PRKAR1A: variants seen among roughly 807,000 people sequenced by gnomAD.
PRKAR1A encodes cAMP-dependent protein kinase type I-alpha regulatory subunit.
Under a neutral mutation model 52.0 loss-of-function variants are expected in PRKAR1A, and 3 were observed. The observed-to-expected ratio is 0.06, with a 90% confidence interval of 0.03 to 0.15. The LOEUF is 0.15. Among genes scored for constraint, PRKAR1A ranks in the 10% least tolerant of loss-of-function variants. The pLI is 1.00. For synonymous variants in PRKAR1A, 188 were observed against 168.4 expected (o/e 1.12, Z -0.90); for missense variants, 240 against 477.4 (o/e 0.50, Z 4.63).
Position 68,540,827 on chromosome 17 carries a change from G to T in PRKAR1A, c.974-10257G>T. The stretch of plus-strand genomic sequence containing the variant: ...ACATAGCAGAGCCCACTTCTGCTGG[G>T]GGCCTGCGTGTGGGGACCTACCTAT... On this transcript the variant is annotated intron_variant, in intron 11 of 11. Transcript: ENST00000585981. The T allele has an allele frequency of 1.9e-6, 3 of 1,578,080 alleles. No homozygotes were observed. In the South Asian group the frequency reaches 3.4e-5, roughly 18 times the overall value.
At chr17:68,488,832 G>A in the PRKAR1A span, among the ~76,000 whole-genome samples, 3 of 151,616 alleles carry the variant, frequency 2.0e-5, no homozygotes, top group Non-Finnish European at 4.4e-5. Flanking sequence ...TTAGACCTGA[G>A]CTCTGGAGTG....
chr17:68,524,229 A>G (rs1042639348), intron 5 of PRKAR1A, 152 bp downstream of exon 5: 3 of 719,112 alleles, frequency 4.2e-6, no homozygotes, highest in Middle Eastern at 3.3e-4. Context: ...TTTCTTTTAA[A>G]TTAAGATTTT....
chr17:68,489,345 A>ATATATATATGGAAAG, the PRKAR1A span, among the ~76,000 whole-genome samples: 1 of 104,022 alleles, frequency 9.6e-6, no homozygotes, highest in African/African-American at 4.3e-5. Context: ...GAAAGTATAT[A>ATATATATATGGAAAG]TATATATATA....
chr17:68,436,993 CAAAA>C, the PRKAR1A span, among the ~76,000 whole-genome samples: 1 of 124,672 alleles, frequency 8.0e-6, no homozygotes, highest in Non-Finnish European at 1.8e-5. Context: ...GACCCCGTCT[CAAAA>C]AAAAAAAAAT....
the PRKAR1A span, chr17:68,434,435 C>T: frequency 1.1e-4 from 102 of 958,124 alleles, no homozygotes; most frequent in Admixed American, 3.7e-4. Context: ...AGAGTAGTTA[C>T]ACTTCCTCCA....
At chr17:68,421,510 A>G in the PRKAR1A span, 5 of 491,314 alleles carry the variant, frequency 1.0e-5, no homozygotes, top group African/African-American at 3.8e-5. Context: ...ATATACCAAT[A>G]TGGTTAATTA....
At chr17:68,519,423 A>G (rs1229013632) in intron 2 of PRKAR1A, among the ~76,000 whole-genome samples, 1 of 152,176 alleles carries the variant, frequency 6.6e-6, no homozygotes, top group Non-Finnish European at 1.5e-5. Context: ...AAAGCCCCTC[A>G]AAACTGTCAG....
the PRKAR1A span, among the ~76,000 whole-genome samples, chr17:68,446,462 A>G: frequency 0.44 from 66,506 of 151,980 alleles, 14,937 homozygotes; most frequent in Middle Eastern, 0.52. Flanking sequence ...GATTACAAGC[A>G]TGAGCTACTG....
the PRKAR1A span, among the ~76,000 whole-genome samples, chr17:68,441,614 G>T: frequency 6.6e-6 from 1 of 152,284 alleles, no homozygotes; most frequent in South Asian, 2.1e-4. Context: ...TCACTGAAGC[G>T]CAGCTCTGAC....
Position 68,531,560 on chromosome 17 carries a change from CT to C in PRKAR1A, c.*1118del. 1 of 1,066,204 alleles carries C rather than the reference CT, an allele frequency of 9.4e-7. No individual in the cohort carries two copies. Among genetic ancestry groups the C allele is most frequent in the Non-Finnish European group, 1.1e-6 (1 of 879,596 alleles). 66.0% of individuals were successfully genotyped at this position (1,066,204 alleles called of 1,614,324 possible). A position where few individuals can be genotyped will look rare whatever the true frequency, so the allele number is the denominator to read the frequency against. The stretch of plus-strand genomic sequence containing the variant: ...AAGAAGTTTTTTACTTTGGTTTAGT[CT>C]TTTTTTCCTTCCTTTTTATTCAGCT... On this transcript the variant is annotated 3_prime_UTR_variant, in exon 11 of 11. Coordinates refer to ENST00000589228, the MANE Select transcript of PRKAR1A (RefSeq NM_002734.5).
At chr17:68,536,079 G>C (rs1340256058), downstream of PRKAR1A, 1 of 454,118 alleles carries the variant, frequency 2.2e-6, no homozygotes, top group Non-Finnish European at 4.4e-6. Context: ...TGATTTTAGA[G>C]AGACACAAAG....
At chr17:68,428,362 G>A in the PRKAR1A span, 4 of 161,850 alleles carry the variant, frequency 2.5e-5, no homozygotes, top group Admixed American at 1.8e-4. Flanking sequence ...CTGAGTAGCT[G>A]GGACTACAGG....
the PRKAR1A span, among the ~76,000 whole-genome samples, chr17:68,484,983 G>A: frequency 2.6e-5 from 4 of 152,224 alleles, no homozygotes; most frequent in African/African-American, 9.6e-5. Flanking sequence ...TAACAAATTA[G>A]CAATTTAGTT....
chr17:68,505,193 G>A, the PRKAR1A span, among the ~76,000 whole-genome samples: 2 of 152,192 alleles, frequency 1.3e-5, no homozygotes, highest in Non-Finnish European at 2.9e-5. Flanking sequence ...AGCTACTTGG[G>A]AGGCTGAGGT....
At chr17:68,426,238 C>CGTGGGG in the PRKAR1A span, 1 of 615,202 alleles carries the variant, frequency 1.6e-6, no homozygotes, top group South Asian at 1.9e-5. Context: ...CATGACCTGG[C>CGTGGGG]GGGTGGGGAG....
upstream of PRKAR1A, among the ~76,000 whole-genome samples, chr17:68,510,596 T>C (rs2085251257): frequency 6.6e-6 from 1 of 152,196 alleles, no homozygotes; most frequent in Non-Finnish European, 1.5e-5. Context: ...TGCTCAATGC[T>C]ATCAAATTCC....
intron 8 of PRKAR1A, chr17:68,528,529 A>G (rs1392332019): frequency 7.8e-6 from 2 of 255,596 alleles, no homozygotes; most frequent in Admixed American, 9.8e-5. Context: ...TGGGGAAACT[A>G]TGACTTTTGA....
chr17:68,540,400 G>GCT, intron 11 of PRKAR1A: 1 of 447,600 alleles, frequency 2.2e-6, no homozygotes, highest in South Asian at 1.6e-5. Flanking sequence ...TCCGACCTAA[G>GCT]CTCCTGTATG....
the PRKAR1A span, among the ~76,000 whole-genome samples, chr17:68,470,667 C>T: frequency 1.3e-5 from 2 of 152,150 alleles, no homozygotes; most frequent in African/African-American, 2.4e-5. Context: ...GTTAATAATT[C>T]GTTGCTTTTA....
Sources: allele counts gnomAD v4.1 joint callset (sites outside exome capture counted in the v4.1 genomes callset), GRCh38; gene constraint gnomAD v4.1.1; transcripts MANE v1.5; gene names NCBI Gene and HGNC (gene_info 2026-07-23, HGNC 2026-07-21).